Variants in LANCL2 observed in about 807,000 individuals in gnomAD.
The protein encoded by LANCL2 is lanC-like protein 2.
A neutral mutation model predicts 56.9 loss-of-function variants in LANCL2; 33 were observed. That is an observed-to-expected ratio of 0.58 (90% CI 0.44 to 0.78). LANCL2 has a LOEUF of 0.78. Among genes scored for constraint, LANCL2 ranks in the 30% least tolerant of loss-of-function variants. The pLI is 0.00. For synonymous variants in LANCL2, 233 were observed against 228.2 expected (o/e 1.02, Z -0.19); for missense variants, 562 against 580.2 (o/e 0.97, Z 0.32).
At chr7:55,378,592 A>G (rs1790030170) in intron 1 of LANCL2, among the ~76,000 whole-genome samples, 1 of 152,174 alleles carries the variant, frequency 6.6e-6, no homozygotes, top group Admixed American at 6.5e-5. Flanking sequence ...GAGACAAACC[A>G]GTTAAAATTT....
At chr7:55,402,144 G>T (rs1352667128) in intron 5 of LANCL2, among the ~76,000 whole-genome samples, 1 of 145,976 alleles carries the variant, frequency 6.9e-6, no homozygotes, top group Non-Finnish European at 1.5e-5. Flanking sequence ...CTCACCTCCC[G>T]GACGGGGCGG....
At chr7:55,397,677 T>TTTA (rs1275129464) in intron 2 of LANCL2, among the ~76,000 whole-genome samples, 3 of 144,166 alleles carry the variant, frequency 2.1e-5, no homozygotes, top group African/African-American at 5.4e-5. Context: ...TTTTTTTTTT[T>TTTA]ACTTAGCTGT....
intron 1 of LANCL2, among the ~76,000 whole-genome samples, chr7:55,378,188 A>C (rs1790024520): frequency 6.6e-6 from 1 of 152,366 alleles, no homozygotes; most frequent in Middle Eastern, 3.4e-3. Context: ...TGCCAGGTGC[A>C]GTGGCTCATG....
At chr7:55,368,468 A>G (rs775474409) in intron 1 of LANCL2, among the ~76,000 whole-genome samples, 4 of 152,234 alleles carry the variant, frequency 2.6e-5, no homozygotes, top group Non-Finnish European at 5.9e-5. Flanking sequence ...GGAGAGATGG[A>G]TAGTGATTTT....
At chr7:55,369,044 A>C (rs1490077737) in intron 1 of LANCL2, among the ~76,000 whole-genome samples, 3 of 152,202 alleles carry the variant, frequency 2.0e-5, no homozygotes, top group African/African-American at 4.8e-5. Context: ...CCATGTGATG[A>C]TGGAGGCAGA....
intron 6 of LANCL2, among the ~76,000 whole-genome samples, chr7:55,417,914 A>G (rs985232001): frequency 2.0e-5 from 3 of 151,940 alleles, no homozygotes; most frequent in African/African-American, 7.3e-5. Context: ...TCCTGAGCTC[A>G]AGTGATCTGC....
chr7:55,383,540 A>C (rs1790091814), intron 1 of LANCL2, among the ~76,000 whole-genome samples: 1 of 152,090 alleles, frequency 6.6e-6, no homozygotes, highest in Non-Finnish European at 1.5e-5. Flanking sequence ...CTAGTTTTTA[A>C]TCCACATTAG....
intron 1 of LANCL2, among the ~76,000 whole-genome samples, chr7:55,387,627 CT>C (rs1790139724): frequency 6.6e-6 from 1 of 151,184 alleles, no homozygotes; most frequent in African/African-American, 2.4e-5. Context: ...TTAAGAAAAC[CT>C]TGTTTTAACA....
At position 55,433,405 on chromosome 7, in the gene LANCL2, G is replaced by A. The variant is rs561059302; in HGVS notation, c.*2085G>A. On this transcript the variant is annotated 3_prime_UTR_variant, in exon 9 of 9. Transcript: ENST00000254770. ...TAGATGTCATCAGAGGTGCTGTTCC[G>A]TGGTTCTGCATTAACCCCTGCCTCA... 1 of 152,318 alleles carries A rather than the reference G, an allele frequency of 6.6e-6. No individual in the cohort carries two copies. The highest frequency in any genetic ancestry group is 2.1e-4 in the South Asian group (1 of 4,834). The allele number at this position is 152,318 out of a possible 1,614,324, so 9.4% of individuals were successfully genotyped here. A position where few individuals can be genotyped will look rare whatever the true frequency, so the allele number is the denominator to read the frequency against.
At position 55,407,894 on chromosome 7, in the gene LANCL2, C is replaced by T. The variant is rs147358882; in HGVS notation, c.826-4013C>T. Among the ~76,000 whole-genome samples the T allele has an allele frequency of 2.1e-3, 322 of 152,362 alleles. 1 individual carries two copies. Among genetic ancestry groups the T allele is most frequent in the Non-Finnish European group, 2.8e-3 (193 of 68,032 alleles). On this transcript the variant is annotated intron_variant, in intron 5 of 8. Coordinates refer to ENST00000254770, the MANE Select transcript of LANCL2 (RefSeq NM_018697.4). ...CCAGCCACTCCACAGTGATTCCCAC[C>T]GTTCCGCAGCCCCTCCGGTGCACTG...
chr7:55,406,973 C>T (rs12667064), intron 5 of LANCL2, among the ~76,000 whole-genome samples: 22,699 of 152,100 alleles, frequency 0.15, 2,236 homozygotes, highest in African/African-American at 0.27. Flanking sequence ...TCAGTTTGTT[C>T]TACAGAACCC....
At chr7:55,368,815 A>G (rs542652335) in intron 1 of LANCL2, among the ~76,000 whole-genome samples, 2 of 152,286 alleles carry the variant, frequency 1.3e-5, no homozygotes, top group South Asian at 4.1e-4. Context: ...CTGGAATATG[A>G]TGGGCCCCTA....
At chr7:55,377,763 C>T (rs1214171719) in intron 1 of LANCL2, among the ~76,000 whole-genome samples, 3 of 152,134 alleles carry the variant, frequency 2.0e-5, no homozygotes, top group East Asian at 1.9e-4. Flanking sequence ...ATTTTCTTCC[C>T]GATTGCAATG....
rs1300717861 is a variant in LANCL2 at position 55,400,214 on chromosome 7, A to C, written c.678+110A>C. ...ACTTCTAGGTAGCATTACTTTTTTAAAGCAACTCATCAAAAGTAAGAAATA... is the reference window on the plus strand; with the variant it reads ...ACTTCTAGGTAGCATTACTTTTTTACAGCAACTCATCAAAAGTAAGAAATA... On this transcript the variant is annotated intron_variant, in intron 4 of 8. Coordinates refer to ENST00000254770, the MANE Select transcript of LANCL2 (RefSeq NM_018697.4). 5 of 942,460 alleles carry C rather than the reference A, an allele frequency of 5.3e-6. No homozygotes were observed. In the African/African-American group the frequency reaches 8.4e-5, roughly 16 times the overall value. The allele number at this position is 942,460 out of a possible 1,614,324, so 58.4% of individuals were successfully genotyped here.
chr7:55,404,168 C>T (rs1790377629), intron 5 of LANCL2, among the ~76,000 whole-genome samples: 1 of 152,306 alleles, frequency 6.6e-6, no homozygotes, highest in East Asian at 1.9e-4. Context: ...TGAGCATAAG[C>T]CTAGGGCTTC....
intron 6 of LANCL2, among the ~76,000 whole-genome samples, chr7:55,412,881 A>C (rs565314665): frequency 6.6e-6 from 1 of 152,336 alleles, no homozygotes; most frequent in East Asian, 1.9e-4. Context: ...GAATTAATGG[A>C]GTGGAACTCA....
At chr7:55,424,878 G>A (rs567819110) in intron 6 of LANCL2, among the ~76,000 whole-genome samples, 4 of 152,222 alleles carry the variant, frequency 2.6e-5, no homozygotes, top group Non-Finnish European at 5.9e-5. Flanking sequence ...AGAGCGAACC[G>A]TATCGTGAAC....
chr7:55,403,805 C>G (rs1790373099), intron 5 of LANCL2, among the ~76,000 whole-genome samples: 1 of 152,008 alleles, frequency 6.6e-6, no homozygotes, highest in Non-Finnish European at 1.5e-5. Context: ...CTCCTGACCT[C>G]ATGATCCGCC....
chr7:55,396,660 C>T (rs886293182), intron 2 of LANCL2, among the ~76,000 whole-genome samples: 2 of 152,228 alleles, frequency 1.3e-5, no homozygotes, highest in African/African-American at 2.4e-5. Flanking sequence ...CTCCTTTTAC[C>T]TAGTGCAACG....
Sources: allele counts gnomAD v4.1 joint callset (sites outside exome capture counted in the v4.1 genomes callset), GRCh38; gene constraint gnomAD v4.1.1; transcripts MANE v1.5; gene names NCBI Gene and HGNC (gene_info 2026-07-23, HGNC 2026-07-21).